The following RARB variants were observed in gnomAD, a reference collection of about 807,000 sequenced individuals.
RARB encodes retinoic acid receptor beta, also known as HBV-activated protein.
A neutral mutation model predicts 51.9 loss-of-function variants in RARB; 17 were observed. The ratio of observed to expected loss-of-function variants is 0.33; its 90% CI spans 0.22 to 0.49. The LOEUF is 0.49. RARB is among the 20% of genes least tolerant of loss of function. The probability of loss-of-function intolerance (pLI) is 0.99; values close to 1 mark genes in which losing one functional copy is unlikely to be tolerated. For missense variants in RARB, 369 were observed against 550.8 expected, an observed-to-expected ratio of 0.67 and a Z score of 3.30; for synonymous variants, 215 against 195.4, an observed-to-expected ratio of 1.10 and a Z score of -0.84.
chr3:25,480,250 T>C (rs1404074542), intron 2 of RARB, among the ~76,000 whole-genome samples: 1 of 152,228 alleles, frequency 6.6e-6, no homozygotes, highest in Non-Finnish European at 1.5e-5. Flanking sequence ...GACAGTGTAG[T>C]ATATACACAG....
intron 1 of RARB, among the ~76,000 whole-genome samples, chr3:25,430,243 G>A (rs1351731351): frequency 6.6e-6 from 1 of 152,130 alleles, no homozygotes; most frequent in Non-Finnish European, 1.5e-5. Context: ...CTCCCCAAAT[G>A]CCTTTTCTTT....
rs150998502 is a variant in RARB at position 24,988,217 on chromosome 3, C to T, written c.-379-71908C>T. Among the ~76,000 whole-genome samples, 409 of 152,158 alleles carry T rather than the reference C, an allele frequency of 2.7e-3. 2 individuals carry two copies. Among genetic ancestry groups the T allele is most frequent in the Non-Finnish European group, 3.6e-3 (243 of 68,004 alleles). On this transcript the variant is annotated intron_variant, in intron 2 of 11. Transcript: ENST00000383772. ...GTTGTATATGTAAATATGATTGATA[C>T]GAATATACTTGTTGACCATTTGGGA... is the stretch of plus-strand genomic sequence containing the variant.
At chr3:25,024,237 C>G (rs577722971) in intron 2 of RARB, among the ~76,000 whole-genome samples, 1 of 152,224 alleles carries the variant, frequency 6.6e-6, no homozygotes, top group Non-Finnish European at 1.5e-5. Context: ...TCTGTCTTTT[C>G]TAATTTTTGA....
intron 5 of RARB, among the ~76,000 whole-genome samples, chr3:25,411,837 G>A (rs1371141478): frequency 6.6e-6 from 1 of 152,186 alleles, no homozygotes; most frequent in Non-Finnish European, 1.5e-5. Flanking sequence ...CCAACTTCCA[G>A]CAAGTCAAAA....
chr3:24,979,571 T>A (rs559402576), intron 2 of RARB, among the ~76,000 whole-genome samples: 1 of 152,146 alleles, frequency 6.6e-6, no homozygotes, highest in East Asian at 1.9e-4. Flanking sequence ...CCTCCTGTTT[T>A]TTTTGTTTTG....
chr3:25,071,039 CA>C (rs572477324), intron 3 of RARB, among the ~76,000 whole-genome samples: 118 of 152,148 alleles, frequency 7.8e-4, no homozygotes, highest in Admixed American at 9.8e-4. Context: ...TTGAGTGCCA[CA>C]AAGAGAAACA....
At chr3:25,182,419 T>C (rs1401077044) in intron 5 of RARB, among the ~76,000 whole-genome samples, 2 of 152,176 alleles carry the variant, frequency 1.3e-5, no homozygotes, top group African/African-American at 2.4e-5. Context: ...AAGTTTCCTG[T>C]CTTGGAAGGC....
chr3:25,039,370 A>T (rs1698067670), intron 2 of RARB, among the ~76,000 whole-genome samples: 1 of 152,216 alleles, frequency 6.6e-6, no homozygotes, highest in South Asian at 2.1e-4. Flanking sequence ...TTTAATTCTG[A>T]TGGTGAAAAA....
At chr3:25,585,670 G>A (rs1002646449) in intron 5 of RARB, among the ~76,000 whole-genome samples, 3 of 152,318 alleles carry the variant, frequency 2.0e-5, no homozygotes, top group East Asian at 3.9e-4. Context: ...CAGAAGCAGC[G>A]AGAGGGTCCT....
intron 1 of RARB, among the ~76,000 whole-genome samples, chr3:25,450,260 A>C (rs1709134043): frequency 6.6e-6 from 1 of 152,214 alleles, no homozygotes; most frequent in Non-Finnish European, 1.5e-5. Flanking sequence ...ATACGGACTT[A>C]ATCCACTTTT....
At chr3:24,936,162 A>G (rs531847545) in intron 2 of RARB, among the ~76,000 whole-genome samples, 88 of 152,216 alleles carry the variant, frequency 5.8e-4, no homozygotes, top group Admixed American at 1.4e-3. Flanking sequence ...TCCATGGTCC[A>G]TGTTTGTATA....
At chr3:25,229,656 C>CT (rs376375418) in intron 5 of RARB, among the ~76,000 whole-genome samples, 12,676 of 148,894 alleles carry the variant, frequency 0.085, 703 homozygotes, top group Non-Finnish European at 0.13. Flanking sequence ...AATGGGCACC[C>CT]TTTTTTTTTT....
intron 2 of RARB, among the ~76,000 whole-genome samples, chr3:24,970,262 G>T (rs528563543): frequency 6.6e-6 from 1 of 152,134 alleles, no homozygotes; most frequent in East Asian, 1.9e-4. Flanking sequence ...GCAAAGCAAA[G>T]AACGTGTATT....
At chr3:25,049,101 T>C (rs1468321693) in intron 2 of RARB, among the ~76,000 whole-genome samples, 2 of 152,212 alleles carry the variant, frequency 1.3e-5, no homozygotes, top group South Asian at 4.1e-4. Flanking sequence ...TTGCCCCTGA[T>C]ACAGAAAGAT....
At chr3:24,962,687 T>A (rs948158262) in intron 2 of RARB, among the ~76,000 whole-genome samples, 2 of 152,160 alleles carry the variant, frequency 1.3e-5, no homozygotes, top group African/African-American at 4.8e-5. Context: ...GGGTTGCATG[T>A]CCTTATGAGA....
chr3:25,529,636 A>C (rs1415873161), intron 3 of RARB, among the ~76,000 whole-genome samples: 1 of 152,178 alleles, frequency 6.6e-6, no homozygotes, highest in East Asian at 1.9e-4. Context: ...TTGTCTTAAA[A>C]GTATGTGAGG....
At chr3:25,538,902 C>T (rs1347119866) in intron 3 of RARB, among the ~76,000 whole-genome samples, 1 of 152,212 alleles carries the variant, frequency 6.6e-6, no homozygotes, top group Non-Finnish European at 1.5e-5. Context: ...GTTGATGTCA[C>T]ATTTTAGTTC....
intron 2 of RARB, among the ~76,000 whole-genome samples, chr3:24,996,143 A>G (rs1196626358): frequency 6.6e-6 from 1 of 152,140 alleles, no homozygotes; most frequent in East Asian, 1.9e-4. Flanking sequence ...ATGCCTTGTT[A>G]TTGGTCTGTT....
intron 5 of RARB, among the ~76,000 whole-genome samples, chr3:25,378,604 C>A (rs987466943): frequency 6.6e-6 from 1 of 152,116 alleles, no homozygotes; most frequent in Non-Finnish European, 1.5e-5. Context: ...ATCATAAAAC[C>A]CAACACGGTT....
Sources: gnomAD v4.1 joint callset for allele counts (sites outside exome capture counted in the v4.1 genomes callset) on GRCh38, gnomAD v4.1.1 for gene constraint, MANE v1.5 for transcripts, NCBI Gene and HGNC (gene_info 2026-07-23, HGNC 2026-07-21) for gene names.